PKD2: variants seen among roughly 807,000 people sequenced by gnomAD.
PKD2 encodes the protein polycystin 2, transient receptor potential cation channel.
A neutral mutation model predicts 105.9 loss-of-function variants in PKD2; 48 were observed. The observed-to-expected ratio is 0.45, with a 90% CI of 0.36 to 0.58. The LOEUF is 0.58. PKD2 is among the 20% of genes least tolerant of loss of function. The probability of loss-of-function intolerance (pLI) is 0.00; values close to 1 mark genes in which losing one functional copy is unlikely to be tolerated. For synonymous variants in PKD2, 464 were observed against 481.1 expected (o/e 0.96, Z 0.46); for missense variants, 1,078 against 1,255.3 (o/e 0.86, Z 2.13).
Position 88,075,454 on chromosome 4 carries a change from T to G in PKD2, c.2671-4T>G. 6.2e-7 allele frequency: 1 copy of G among 1,611,038 alleles called. No individual in the cohort carries two copies. Among genetic ancestry groups the G allele is most frequent in the Non-Finnish European group, 8.5e-7 (1 of 1,177,190 alleles). On this transcript the variant is annotated splice_polypyrimidine_tract_variant and splice_region_variant and intron_variant, in intron 14 of 14. Coordinates refer to ENST00000237596, the MANE Select transcript of PKD2 (RefSeq NM_000297.4). ...CCAACACCAGTTTCTTTTTCCCTTT[T>G]TAGGATGAAAGGCTGGGTCGTGACA...
At chr4:88,032,409 A>G (rs919737389) in intron 2 of PKD2, among the ~76,000 whole-genome samples, 20 of 152,198 alleles carry the variant, frequency 1.3e-4, no homozygotes, top group Admixed American at 7.2e-4. Flanking sequence ...CACACCTGTA[A>G]TCTCAGCACT....
chr4:88,056,642 A>G (rs1318477075), intron 8 of PKD2, among the ~76,000 whole-genome samples: 1 of 152,224 alleles, frequency 6.6e-6, no homozygotes, highest in Non-Finnish European at 1.5e-5. Context: ...GTTATTTTCT[A>G]AGGAAAAAAA....
intron 2 of PKD2, among the ~76,000 whole-genome samples, chr4:88,030,403 C>T (rs1162118887): frequency 6.6e-6 from 1 of 152,216 alleles, no homozygotes; most frequent in Non-Finnish European, 1.5e-5. Flanking sequence ...TCCCAAAGTG[C>T]TGGGATCACT....
Position 88,075,843 on chromosome 4 carries a change from A to G in PKD2, c.*149A>G. On this transcript the variant is annotated 3_prime_UTR_variant, in exon 15 of 15. Transcript: ENST00000237596. ...AATCTTCTGCACTTTAATTTATTTT[A>G]TATAAACTTTACCCATGGTTCAAAG... 1.4e-6 allele frequency: 1 copy of G among 718,298 alleles called. No homozygotes were observed. Among genetic ancestry groups the G allele is most frequent in the Non-Finnish European group, 2.5e-6 (1 of 404,994 alleles). 44.5% of individuals were successfully genotyped at this position (718,298 alleles called of 1,614,324 possible).
At chr4:88,035,977 A>G (rs1305700317) in intron 2 of PKD2, 1 of 551,790 alleles carries the variant, frequency 1.8e-6, no homozygotes, top group Non-Finnish European at 3.3e-6. Context: ...TTGATACTCA[A>G]TAGTAAGCCA....
Position 88,038,265 on chromosome 4 carries a change from C to A in PKD2, c.858C>A (p.Ser286=), listed in dbSNP as rs1181336830. 10 of 1,613,946 alleles carry A rather than the reference C, an allele frequency of 6.2e-6. No homozygotes were observed. Among genetic ancestry groups the A allele is most frequent in the Middle Eastern group, 1.6e-4 (1 of 6,082 alleles). ...TTTGCTTTTAGTTCACAGAAGGCTC[C>A]TTATTGGATGGGCTGTACTGGAAGA... ...MEDFWKFTEG[S]LLDGLYWKMQ... is the part of the protein sequence containing the mutation. Residue 286 remains serine (S), a synonymous_variant, in exon 4 of 15, where the codon TCC becomes TCA. Transcript: ENST00000237596.
rs549704378 is a variant in PKD2 at position 88,036,781 on chromosome 4, A to G, written c.843+428A>G. Among the ~76,000 whole-genome samples, 4 of 152,302 alleles carry G rather than the reference A, an allele frequency of 2.6e-5. No individual in the cohort carries two copies. In the South Asian group the frequency reaches 8.3e-4, roughly 32 times the overall value. On this transcript the variant is annotated intron_variant, in intron 3 of 14. Transcript: ENST00000237596. ...TTCCATGAGTCAAGATTCAATAAAT[A>G]TTTATTGAGAATCTCCTAGAATGTA...
chr4:88,052,021 T>C lies in PKD2; in HGVS notation c.1579T>C (p.Tyr527His). 2.3e-5 allele frequency: 36 copies of C among 1,597,516 alleles called. No homozygotes were observed. The highest frequency in any genetic ancestry group is 3.1e-5 in the Non-Finnish European group (36 of 1,165,194). ...LSVVAIGINI[Y>H]RTSNVEVLLQ... ...AGTGGTAGCTATAGGAATTAACATA[T>C]ACAGAACATCAAATGTGGAGGTGCT... Residue 527 changes from tyrosine to histidine, a missense_variant, in exon 7 of 15, where the codon TAC becomes CAC. Tyr to His is a moderately conservative substitution (Grantham distance 83, BLOSUM62 2). Around this residue, in one of 2 missense-constraint regions of PKD2, gnomAD observed 868 missense variants for 1,067.3 expected, o/e 0.81. Transcript: ENST00000237596.
intron 10 of PKD2, among the ~76,000 whole-genome samples, chr4:88,063,065 A>G (rs1369532903): frequency 1.3e-5 from 2 of 152,240 alleles, no homozygotes; most frequent in Non-Finnish European, 2.9e-5. Context: ...TTCAGTGTAT[A>G]GATCAGTTAC....
rs779899817 is a variant in PKD2 at position 88,038,478 on chromosome 4, C to A, written c.1071C>A (p.Pro357=). ...VYSVSSEDRA[P]FGPRNGTAWI... ...CTGTCAGTAGTGAAGATAGGGCTCC[C>A]TTTGGGCCCCGAAATGGAACCGCGT... is the stretch of plus-strand genomic sequence containing the variant. The change falls in exon 4 of 15, where the codon CCC becomes CCA. Residue 357 remains proline (P), a synonymous_variant. Transcript: ENST00000237596. The A allele has an allele frequency of 3.1e-6, 5 of 1,613,752 alleles. No individual in the cohort carries two copies. In the Admixed American group the frequency reaches 8.3e-5, roughly 27 times the overall value.
chr4:88,043,573 C>A lies in PKD2; in HGVS notation c.1319+116C>A, dbSNP rs143494597. ...TTAGCTACATGAGGATGCCAAGGAC[C>A]CAGACGGATAGCAAGGGAGGGGTAA... On this transcript the variant is annotated intron_variant, in intron 5 of 14. Coordinates refer to ENST00000237596, the MANE Select transcript of PKD2 (RefSeq NM_000297.4). 149 of 708,318 alleles carry A rather than the reference C, an allele frequency of 2.1e-4. No homozygotes were observed. The East Asian group carries it at 2.9e-3, about 14-fold the overall frequency. The allele number at this position is 708,318 out of a possible 1,614,324, so 43.9% of individuals were successfully genotyped here.
intron 7 of PKD2, among the ~76,000 whole-genome samples, chr4:88,054,472 A>G (rs1353840256): frequency 2.0e-5 from 3 of 152,030 alleles, no homozygotes; most frequent in Admixed American, 6.6e-5. Flanking sequence ...GATTACAGCA[A>G]TCCTCAAGAA....
chr4:88,057,475 G>A lies in PKD2; in HGVS notation c.1899-508G>A, dbSNP rs564807259. Among the ~76,000 whole-genome samples the A allele has an allele frequency of 4.3e-5, 6 of 138,420 alleles. No homozygotes were observed. In the South Asian group the frequency reaches 1.1e-3, roughly 26 times the overall value. The allele number at this position is 138,420 out of a possible 152,430, so 90.8% of individuals were successfully genotyped here. A position where few individuals can be genotyped will look rare whatever the true frequency, so the allele number is the denominator to read the frequency against. ...TTTTGAGATGGAGTCTCGTTCCATC[G>A]CCCAAGCTAGAGTGCAGCGGTGTAA... On this transcript the variant is annotated intron_variant, in intron 8 of 14. Transcript: ENST00000237596.
At chr4:88,008,536 AT>A (rs973253259) in intron 1 of PKD2, among the ~76,000 whole-genome samples, 2 of 152,024 alleles carry the variant, frequency 1.3e-5, no homozygotes, top group African/African-American at 4.8e-5. Context: ...GTTGGTGCAT[AT>A]TTATTGGATA....
intron 2 of PKD2, among the ~76,000 whole-genome samples, chr4:88,026,503 A>G (rs1726962306): frequency 6.6e-6 from 1 of 152,210 alleles, no homozygotes; most frequent in African/African-American, 2.4e-5. Context: ...ATTGGAACTT[A>G]TGTTTAAAGG....
intron 13 of PKD2, 65 bp downstream of exon 13, chr4:88,068,126 T>C: frequency 1.6e-6 from 2 of 1,262,138 alleles, no homozygotes; most frequent in South Asian, 1.2e-5. Context: ...GGCAGTTCCC[T>C]CATCTCTCTG....
chr4:88,017,770 C>A (rs139568974), intron 1 of PKD2, among the ~76,000 whole-genome samples: 1 of 152,108 alleles, frequency 6.6e-6, no homozygotes, highest in East Asian at 1.9e-4. Context: ...AGCAATACCA[C>A]GTATAAATAT....
At chr4:88,051,679 C>T (rs1422962303) in intron 6 of PKD2, among the ~76,000 whole-genome samples, 1 of 152,186 alleles carries the variant, frequency 6.6e-6, no homozygotes, top group South Asian at 2.1e-4. Context: ...GAGTTTGAGT[C>T]TGTTATAGTG....
intron 4 of PKD2, 62 bp downstream of exon 4, chr4:88,038,563 C>CCATT (rs1162799712): frequency 7.8e-6 from 12 of 1,533,178 alleles, no homozygotes; most frequent in Non-Finnish European, 1.1e-5. Flanking sequence ...TGAACTCCCA[C>CCATT]CATTCATTCA....
Sources: gnomAD v4.1 joint callset for allele counts (sites outside exome capture counted in the v4.1 genomes callset) on GRCh38, gnomAD v4.1.1 for gene constraint, gnomAD v4.1.1 regional missense constraint, MANE v1.5 for transcripts, NCBI Gene and HGNC (gene_info 2026-07-23, HGNC 2026-07-21) for gene names.